Variants in IFFO1 observed in about 807,000 individuals in gnomAD.
IFFO1 encodes intermediate filament family orphan 1.
IFFO1 carries 42 observed loss-of-function variants against 59.6 expected under a neutral mutation model. The observed-to-expected ratio is 0.70, with a 90% confidence interval of 0.55 to 0.91. IFFO1 has a LOEUF of 0.91. Among genes scored for constraint, IFFO1 ranks in the 40% least tolerant of loss-of-function variants. IFFO1 has a pLI of 0.00. For synonymous variants in IFFO1, 336 were observed against 342.8 expected, an observed-to-expected ratio of 0.98 and a Z score of 0.22; for missense variants, 711 against 793.2, an observed-to-expected ratio of 0.90 and a Z score of 1.24.
In IFFO1 at chr12:6,548,046, C is replaced by T; in HGVS notation, c.1479+19G>A. The T allele has an allele frequency of 6.3e-7, 1 of 1,597,974 alleles. No homozygotes were observed. Among genetic ancestry groups the T allele is most frequent in the African/African-American group, 1.3e-5 (1 of 74,694 alleles). ...ACCCTCTGGGACACCACGCCCCTGG[C>T]TTCCGCTCCTGCCCTTACCTCTATC... On this transcript the variant is annotated intron_variant, in intron 8 of 9. Transcript: ENST00000619571. The surrounding 1 kb of genome is among the most constrained non-coding windows in gnomAD (Gnocchi z 6.1).
In IFFO1 at chr12:6,549,402, T is replaced by G. The variant is rs1285451725; in HGVS notation, c.1080+74A>C. 3 of 1,574,294 alleles carry G rather than the reference T, an allele frequency of 1.9e-6. No homozygotes were observed. The East Asian group carries it at 6.7e-5, about 35-fold the overall frequency. ...GCTCAAGAGCCCAGCGGGCCCAAAC[T>G]GAGGGCCAGGAGGCCTAGGCAGCTT... On this transcript the variant is annotated intron_variant, in intron 5 of 9. Transcript: ENST00000619571. The surrounding 1 kb of genome is among the most constrained non-coding windows in gnomAD (Gnocchi z 5.0).
intron 8 of IFFO1, among the ~76,000 whole-genome samples, chr12:6,544,541 C>T (rs1946865937): frequency 6.6e-6 from 1 of 152,206 alleles, no homozygotes; most frequent in African/African-American, 2.4e-5. Context: ...TTACACTGGG[C>T]ACTTGAGGTC....
In IFFO1 at chr12:6,555,123, C is replaced by G; in HGVS notation, c.773+134G>C. ...CTAGTCTCCCTGCATCCAATTGCTT[C>G]CAAGCTCCTCATTACACAGCACAAA... On this transcript the variant is annotated intron_variant, in intron 1 of 9. Coordinates refer to ENST00000619571, the MANE Select transcript of IFFO1 (RefSeq NM_001193457.2). The surrounding 1 kb of genome is among the most constrained non-coding windows in gnomAD (Gnocchi z 8.6). 1 of 890,132 alleles carries G rather than the reference C, an allele frequency of 1.1e-6. No homozygotes were observed. 55.1% of individuals were successfully genotyped at this position (890,132 alleles called of 1,614,324 possible).
chr12:6,551,612 G>A (rs985397222), intron 1 of IFFO1: 14 of 570,174 alleles, frequency 2.5e-5, no homozygotes, highest in Admixed American at 1.2e-4. Context: ...CTCCTCTAAG[G>A]GAGTCACAGA....
At chr12:6,544,251 C>T (rs919797207) in intron 8 of IFFO1, among the ~76,000 whole-genome samples, 1 of 151,782 alleles carries the variant, frequency 6.6e-6, no homozygotes, top group Non-Finnish European at 1.5e-5. Flanking sequence ...ACTGCAGCCT[C>T]CACCTCCCAG....
Position 6,540,490 on chromosome 12 carries a change from A to T in IFFO1, c.1709T>A (p.Met570Lys), listed in dbSNP as rs558196731. 2 of 1,606,492 alleles carry T rather than the reference A, an allele frequency of 1.2e-6. No individual in the cohort carries two copies. The highest frequency in any genetic ancestry group is 8.5e-7 in the Non-Finnish European group (1 of 1,174,528). The change falls in exon 10 of 10, where the codon ATG (methionine) becomes AAG (lysine). Residue 570 changes from methionine (M) to lysine (K), a missense_variant. This residue lies in a region of IFFO1 where 579 missense variants were observed against 650.3 expected (regional missense o/e 0.89). Coordinates refer to ENST00000619571, the MANE Select transcript of IFFO1 (RefSeq NM_001193457.2). ...SDRDVSSDSS[M>K]R The stretch of plus-strand genomic sequence containing the variant: ...CAAGGGGGAGGCAGGTCTCTATCTC[A>T]TGGAGCTGTCAGATGAGACATCGCG...
At position 6,550,317 on chromosome 12, in the gene IFFO1, C is replaced by T. The variant is rs775462799; in HGVS notation, c.930+378G>A. The T allele has an allele frequency of 1.8e-5, 7 of 378,820 alleles. No homozygotes were observed. The Admixed American group carries it at 2.8e-4, about 15-fold the overall frequency. 23.5% of individuals were successfully genotyped at this position (378,820 alleles called of 1,614,324 possible). ...CTAACACTGCATGCTGGGCACTGTC[C>T]CGAGTACATGACCACCCTCACAATA... On this transcript the variant is annotated intron_variant, in intron 3 of 9. Transcript: ENST00000619571.
At chr12:6,543,366 T>G (rs1324209437) in intron 8 of IFFO1, 1 of 152,240 alleles carries the variant, frequency 6.6e-6, no homozygotes, top group African/African-American at 2.4e-5. Flanking sequence ...TGAGTGAAGC[T>G]TCATCTGTAT....
intron 1 of IFFO1, 113 bp from the exon 2 acceptor site, chr12:6,551,114 TGGATGGGGA>T (rs1292860532): frequency 1.7e-5 from 18 of 1,049,058 alleles, no homozygotes; most frequent in Non-Finnish European, 2.3e-5. Context: ...TCTGGTTCCC[TGGATGGGGA>T]GGAGCAGGGC....
rs1335562104 is a variant in IFFO1, at chr12:6,549,138, C to T, written c.1081-289G>A. On this transcript the variant is annotated intron_variant, in intron 5 of 9. Transcript: ENST00000619571. The surrounding 1 kb of genome is among the most constrained non-coding windows in gnomAD (Gnocchi z 5.0). ...GGCTGCAGTCAGATGTGCATGATGG[C>T]TCAAGAGGAAATTTTTTTCTAAAAA... The T allele has an allele frequency of 4.3e-5, 22 of 509,088 alleles. No homozygotes were observed. Among genetic ancestry groups the T allele is most frequent in the Non-Finnish European group, 2.1e-5 (6 of 290,114 alleles). The allele number at this position is 509,088 out of a possible 1,614,324, so 31.5% of individuals were successfully genotyped here. A position where few individuals can be genotyped will look rare whatever the true frequency, so the allele number is the denominator to read the frequency against.
chr12:6,546,757 G>T (rs1209094848), intron 8 of IFFO1, among the ~76,000 whole-genome samples: 3 of 152,092 alleles, frequency 2.0e-5, no homozygotes, highest in African/African-American at 7.2e-5. Flanking sequence ...CCAAAGTGCT[G>T]GGATTACAGG....
chr12:6,550,558 A>C, intron 3 of IFFO1, 137 bp downstream of exon 3: 1 of 630,898 alleles, frequency 1.6e-6, no homozygotes. Context: ...AGGGGTGGCT[A>C]GGGGAAAAAG....
chr12:6,541,428 G>T lies in IFFO1; in HGVS notation c.1610+84C>A. Reference sequence around the variant, plus strand: ...CACAGCAAGATGTGACCCAGTCATTGCCTGAGGGTCTCTGGGGCTGTGTTC... The same window carrying T: ...CACAGCAAGATGTGACCCAGTCATTTCCTGAGGGTCTCTGGGGCTGTGTTC... On this transcript the variant is annotated intron_variant, in intron 9 of 9. Transcript: ENST00000619571. The surrounding 1 kb of genome is among the most constrained non-coding windows in gnomAD (Gnocchi z 4.8). The T allele has an allele frequency of 6.5e-7, 1 of 1,546,290 alleles. No individual in the cohort carries two copies. Among genetic ancestry groups the T allele is most frequent in the South Asian group, 1.2e-5 (1 of 86,818 alleles).
rs1947375658 is a variant in IFFO1, at chr12:6,555,127, G to A, written c.773+130C>T. On this transcript the variant is annotated intron_variant, in intron 1 of 9. Transcript: ENST00000619571. This position sits in a 1 kb window ranked among gnomAD's most constrained non-coding sequence, Gnocchi z 8.6. ...TCTCCCTGCATCCAATTGCTTCCAA[G>A]CTCCTCATTACACAGCACAAACTTT... 1 of 907,268 alleles carries A rather than the reference G, an allele frequency of 1.1e-6. No homozygotes were observed. Among genetic ancestry groups the A allele is most frequent in the Non-Finnish European group, 1.8e-6 (1 of 559,346 alleles). 56.2% of individuals were successfully genotyped at this position (907,268 alleles called of 1,614,324 possible).
chr12:6,550,605 G>T, intron 3 of IFFO1, 90 bp downstream of exon 3: 1 of 904,668 alleles, frequency 1.1e-6, no homozygotes, highest in Non-Finnish European at 1.8e-6. Context: ...AGCCGTGGAC[G>T]GGAGGCCAAC....
chr12:6,540,256 C>A lies in IFFO1; in HGVS notation c.*227G>T. 1 of 580,192 alleles carries A rather than the reference C, an allele frequency of 1.7e-6. No individual in the cohort carries two copies. The highest frequency in any genetic ancestry group is 3.1e-6 in the Non-Finnish European group (1 of 326,016). The allele number at this position is 580,192 out of a possible 1,614,324, so 35.9% of individuals were successfully genotyped here. A position where few individuals can be genotyped will look rare whatever the true frequency, so the allele number is the denominator to read the frequency against. On this transcript the variant is annotated 3_prime_UTR_variant, in exon 10 of 10. Transcript: ENST00000619571. Reference sequence around the variant, plus strand: ...ACGCGTGAAGGCAGGAGAGCCCCAACTGTGGTGGAAATGGCCCCAGAATGG... The same window carrying A: ...ACGCGTGAAGGCAGGAGAGCCCCAAATGTGGTGGAAATGGCCCCAGAATGG...
chr12:6,543,492 G>A (rs900367859), intron 8 of IFFO1: 6 of 152,678 alleles, frequency 3.9e-5, no homozygotes, highest in East Asian at 1.9e-4. Flanking sequence ...CTGTGCATGC[G>A]AGGGATCTAG....
chr12:6,555,553 G>T lies in IFFO1; in HGVS notation c.477C>A (p.Pro159=). Residue 159 remains proline, a synonymous_variant, in exon 1 of 10, where the codon CCC becomes CCA. Transcript: ENST00000619571. This position sits in a 1 kb window ranked among gnomAD's most constrained non-coding sequence, Gnocchi z 8.6. ...CSPSARVLGS[P]ARSPAGPLAP... ...CGAGGGGGCCGGCCGGGGAGCGCGC[G>T]GGCGAGCCCAGCACGCGCGCCGAAG... The T allele has an allele frequency of 6.6e-7, 1 of 1,512,828 alleles. No homozygotes were observed. The highest frequency in any genetic ancestry group is 1.2e-5 in the South Asian group (1 of 80,124). 93.7% of individuals were successfully genotyped at this position (1,512,828 alleles called of 1,614,324 possible).
chr12:6,540,978 C>A (rs1334118350), intron 9 of IFFO1, among the ~76,000 whole-genome samples: 3 of 129,282 alleles, frequency 2.3e-5, no homozygotes, highest in African/African-American at 3.0e-5. Context: ...GAGGCTGAGG[C>A]AAGATAATCA....
Sources: gnomAD v4.1 joint callset for allele counts (sites outside exome capture counted in the v4.1 genomes callset) on GRCh38, gnomAD v4.1.1 for gene constraint, gnomAD v4.1.1 regional missense constraint, Gnocchi (gnomAD v3.1) non-coding constraint, MANE v1.5 for transcripts, NCBI Gene and HGNC (gene_info 2026-07-23, HGNC 2026-07-21) for gene names.